WDR17: variants seen among roughly 807,000 people sequenced by gnomAD.
WDR17 encodes the protein WD repeat domain 17, also known as WD repeat-containing protein 17.
Under a neutral mutation model 161.7 loss-of-function variants are expected in WDR17, and 143 were observed. The observed-to-expected ratio is 0.88, with a 90% CI of 0.77 to 1.02. The LOEUF is 1.02. WDR17 is among the 50% of genes least tolerant of loss of function. The pLI is 0.00. For synonymous variants in WDR17, 517 were observed against 515.6 expected (o/e 1.00, Z -0.04); for missense variants, 1,469 against 1,520.9 (o/e 0.97, Z 0.57).
At chr4:176,066,399 C>G (rs191462208) in intron 1 of WDR17, among the ~76,000 whole-genome samples, 125 of 152,164 alleles carry the variant, frequency 8.2e-4, no homozygotes, top group African/African-American at 2.9e-3. Flanking sequence ...ATGTCTAGAG[C>G]CTAGGTTGCT....
At chr4:176,102,065 C>A (rs1737912967) in intron 1 of WDR17, among the ~76,000 whole-genome samples, 1 of 151,986 alleles carries the variant, frequency 6.6e-6, no homozygotes, top group South Asian at 2.1e-4. Context: ...CAATATCAAA[C>A]AGAATAAGAA....
chr4:176,122,073 G>A (rs1185095392), intron 4 of WDR17, among the ~76,000 whole-genome samples: 1 of 152,190 alleles, frequency 6.6e-6, no homozygotes, highest in African/African-American at 2.4e-5. Context: ...CTTGAGGGCA[G>A]AAGTATAAAA....
intron 5 of WDR17, among the ~76,000 whole-genome samples, 179 bp downstream of exon 5, chr4:176,125,534 GAAATGACAAATAA>G (rs1243733775): frequency 6.6e-6 from 1 of 152,086 alleles, no homozygotes; most frequent in East Asian, 1.9e-4. Flanking sequence ...ATGATAAAAT[GAAATGACAAATAA>G]AAATGAAAAA....
In WDR17 at chr4:176,111,604, A is replaced by T. The variant is rs1277810458; in HGVS notation, c.24A>T (p.Gly8=). MSQVRQV[G]LLAAGCQPWN... ...ACATGTCCCAGGTAAGGCAAGTGGG[A>T]TTGCTGGCTGCTGGATGTCAGCCAT... The change falls in exon 2 of 29, where the codon GGA becomes GGT. Residue 8 remains glycine (G), a synonymous_variant. Coordinates refer to ENST00000508596, the MANE Select transcript of WDR17 (RefSeq NM_181265.4). 2 of 1,609,714 alleles carry T rather than the reference A, an allele frequency of 1.2e-6. No homozygotes were observed. Among genetic ancestry groups the T allele is most frequent in the Non-Finnish European group, 1.7e-6 (2 of 1,177,556 alleles).
At chr4:176,089,406 C>A (rs546190942) in intron 1 of WDR17, among the ~76,000 whole-genome samples, 1 of 152,032 alleles carries the variant, frequency 6.6e-6, no homozygotes, top group South Asian at 2.1e-4. Flanking sequence ...TTTATAGTAC[C>A]CTAATGTAGT....
chr4:176,139,107 A>C (rs1055529165), intron 9 of WDR17, among the ~76,000 whole-genome samples: 3 of 151,866 alleles, frequency 2.0e-5, no homozygotes, highest in Non-Finnish European at 4.4e-5. Context: ...TTGCTTTAAG[A>C]AGTTAAAACT....
intron 5 of WDR17, among the ~76,000 whole-genome samples, chr4:176,127,486 G>T (rs944283312): frequency 6.6e-6 from 1 of 151,956 alleles, no homozygotes; most frequent in African/African-American, 2.4e-5. Flanking sequence ...AGTAGAGACG[G>T]TGTTTTACCA....
intron 1 of WDR17, among the ~76,000 whole-genome samples, chr4:176,071,412 T>G (rs1354179734): frequency 6.6e-6 from 1 of 150,700 alleles, no homozygotes; most frequent in Non-Finnish European, 1.5e-5. Flanking sequence ...AACCTCCAGC[T>G]CCCGGATTCA....
At chr4:176,158,154 C>G (rs1748451916) in intron 18 of WDR17, among the ~76,000 whole-genome samples, 1 of 152,138 alleles carries the variant, frequency 6.6e-6, no homozygotes, top group Admixed American at 6.6e-5. Context: ...GTGATGTGAT[C>G]AATTCTTCAT....
At chr4:176,094,545 A>G (rs1290952554) in intron 1 of WDR17, among the ~76,000 whole-genome samples, 1 of 152,224 alleles carries the variant, frequency 6.6e-6, no homozygotes, top group Non-Finnish European at 1.5e-5. Flanking sequence ...AAAACATTTA[A>G]AAGCTTCCAG....
Position 176,179,711 on chromosome 4 carries a change from G to C in WDR17, c.*132G>C. On this transcript the variant is annotated 3_prime_UTR_variant, in exon 29 of 29. Coordinates refer to ENST00000508596, the MANE Select transcript of WDR17 (RefSeq NM_181265.4). ...TGCAGGTTGGGAGAGGTGGGAAATA[G>C]CAGTGAATTTTAGTCATTAACTTCA... is the stretch of plus-strand genomic sequence containing the variant. The C allele has an allele frequency of 1.3e-6, 1 of 795,708 alleles. No homozygotes were observed. The highest frequency in any genetic ancestry group is 1.7e-6 in the Non-Finnish European group (1 of 582,452). 49.3% of individuals were successfully genotyped at this position (795,708 alleles called of 1,614,324 possible).
intron 17 of WDR17, among the ~76,000 whole-genome samples, chr4:176,154,221 C>A (rs1178515464): frequency 6.6e-6 from 1 of 152,022 alleles, no homozygotes; most frequent in Non-Finnish European, 1.5e-5. Context: ...TGGCTTATGC[C>A]TGTAATCCCA....
intron 11 of WDR17, among the ~76,000 whole-genome samples, chr4:176,145,109 T>G (rs1745958523): frequency 6.6e-6 from 1 of 152,064 alleles, no homozygotes; most frequent in Non-Finnish European, 1.5e-5. Context: ...TTTGAAAGGG[T>G]TTTGATGACA....
chr4:176,149,551 G>C lies in WDR17; in HGVS notation c.1898-256G>C, dbSNP rs533403743. Among the ~76,000 whole-genome samples, 17 of 152,154 alleles carry C rather than the reference G, an allele frequency of 1.1e-4. 1 individual carries two copies. The highest frequency in any genetic ancestry group is 1.0e-3 in the South Asian group (5 of 4,816). ...TCCCAGGAAAGTGCTGGGATTACAG[G>C]CGTGAGCCACCATTTCCAGCCTCTA... On this transcript the variant is annotated intron_variant, in intron 13 of 28. Coordinates refer to ENST00000508596, the MANE Select transcript of WDR17 (RefSeq NM_181265.4).
chr4:176,095,425 T>C (rs1736702300), intron 1 of WDR17, among the ~76,000 whole-genome samples: 1 of 152,122 alleles, frequency 6.6e-6, no homozygotes, highest in South Asian at 2.1e-4. Context: ...TCAGATATTA[T>C]TGAAAATACT....
Position 176,151,871 on chromosome 4 carries a change from A to G in WDR17, c.2364A>G (p.Val788=). 1.2e-6 allele frequency: 2 copies of G among 1,613,034 alleles called. No individual in the cohort carries two copies. Among genetic ancestry groups the G allele is most frequent in the South Asian group, 2.2e-5 (2 of 90,766 alleles). ...KMSKFGGGIG[V]PAKEERLKEA... ...CTAAATTTGGTGGTGGTATTGGTGTACCTGCTAAAGAGGAAAGACTGAAGG... is the reference window on the plus strand; with the variant it reads ...CTAAATTTGGTGGTGGTATTGGTGTGCCTGCTAAAGAGGAAAGACTGAAGG... Residue 788 remains valine (V), a synonymous_variant, in exon 17 of 29, where the codon GTA becomes GTG. Coordinates refer to ENST00000508596, the MANE Select transcript of WDR17 (RefSeq NM_181265.4).
intron 1 of WDR17, among the ~76,000 whole-genome samples, chr4:176,094,510 A>T (rs1267704942): frequency 6.6e-6 from 1 of 152,204 alleles, no homozygotes; most frequent in East Asian, 1.9e-4. Flanking sequence ...TACTCACAGG[A>T]AAAGGTGAAA....
intron 4 of WDR17, among the ~76,000 whole-genome samples, chr4:176,122,773 CCTT>C (rs1229509613): frequency 6.6e-6 from 1 of 152,146 alleles, no homozygotes; most frequent in Non-Finnish European, 1.5e-5. Context: ...GTTGTCTAGT[CCTT>C]CTCAGAAGAA....
chr4:176,165,298 G>T (rs984248293), intron 22 of WDR17, among the ~76,000 whole-genome samples: 2 of 152,052 alleles, frequency 1.3e-5, no homozygotes. Flanking sequence ...GAACTCAGGC[G>T]ATGGAGGTTG....
Sources: gnomAD v4.1 joint callset for allele counts (sites outside exome capture counted in the v4.1 genomes callset) on GRCh38, gnomAD v4.1.1 for gene constraint, MANE v1.5 for transcripts, NCBI Gene and HGNC (gene_info 2026-07-23, HGNC 2026-07-21) for gene names.